Variants in CCL28 observed in about 807,000 individuals in gnomAD.
The protein encoded by CCL28 is C-C motif chemokine 28.
Under a neutral mutation model 7.1 loss-of-function variants are expected in CCL28, and 4 were observed. The observed-to-expected ratio is 0.56, with a 90% confidence interval of 0.28 to 1.29. CCL28 has a LOEUF of 1.29. CCL28 is among the 50% of genes most tolerant of loss of function. The pLI is 0.11. For missense variants in CCL28, 151 were observed against 163.4 expected, an observed-to-expected ratio of 0.92 and a Z score of 0.41; for synonymous variants, 55 against 57.8, an observed-to-expected ratio of 0.95 and a Z score of 0.22.
At chr5:43,367,065 T>C in the CCL28 span, among the ~76,000 whole-genome samples, 1 of 152,198 alleles carries the variant, frequency 6.6e-6, no homozygotes, top group Non-Finnish European at 1.5e-5. Flanking sequence ...GCCTCAGTAA[T>C]GGTGGACACC....
intron 1 of CCL28, among the ~76,000 whole-genome samples, chr5:43,401,395 T>G (rs1316432032): frequency 6.6e-6 from 1 of 152,202 alleles, no homozygotes; most frequent in Admixed American, 6.5e-5. Context: ...GGTCAGGGGA[T>G]AGTCTTGAAG....
intron 1 of CCL28, among the ~76,000 whole-genome samples, chr5:43,389,863 A>G (rs1740499966): frequency 6.6e-6 from 1 of 152,216 alleles, no homozygotes; most frequent in Admixed American, 6.5e-5. Context: ...ACAACTTTGG[A>G]GAGAACATGG....
chr5:43,395,108 C>T (rs1318595404), intron 1 of CCL28, among the ~76,000 whole-genome samples: 1 of 150,568 alleles, frequency 6.6e-6, no homozygotes, highest in Non-Finnish European at 1.5e-5. Flanking sequence ...TTCTGTTCCT[C>T]CAATTTTTGG....
Position 43,388,496 on chromosome 5 carries a change from AAAATGTTAAATTTT to A in CCL28, c.65-34_65-21del. 6.2e-7 allele frequency: 1 copy of A among 1,611,570 alleles called. No individual in the cohort carries two copies. Among genetic ancestry groups the A allele is most frequent in the African/African-American group, 1.3e-5 (1 of 74,878 alleles). On this transcript the variant is annotated intron_variant, in intron 1 of 2. Coordinates refer to ENST00000361115, the MANE Select transcript of CCL28 (RefSeq NM_148672.3). ...GTATGGCTAAAAGAAGAAAAGAAAG[AAAATGTTAAATTTT>A]ACGGTTTATAGAACACTGGCATGGT... is the stretch of plus-strand genomic sequence containing the variant.
chr5:43,405,330 G>T (rs1381556133), intron 1 of CCL28, among the ~76,000 whole-genome samples: 1 of 152,150 alleles, frequency 6.6e-6, no homozygotes. Flanking sequence ...CTAGAACTCA[G>T]GATTAAGAAA....
intron 1 of CCL28, among the ~76,000 whole-genome samples, chr5:43,400,313 G>T (rs1372761836): frequency 6.6e-6 from 1 of 152,082 alleles, no homozygotes; most frequent in Non-Finnish European, 1.5e-5. Flanking sequence ...AGAACTGTTG[G>T]CACTACACAT....
chr5:43,383,784 T>C (rs1330654186), intron 2 of CCL28, among the ~76,000 whole-genome samples: 1 of 152,088 alleles, frequency 6.6e-6, no homozygotes, highest in African/African-American at 2.4e-5. Flanking sequence ...ACTGAGCAGA[T>C]AAAGATTTTA....
chr5:43,370,679 A>G, the CCL28 span, among the ~76,000 whole-genome samples: 1 of 151,676 alleles, frequency 6.6e-6, no homozygotes, highest in Non-Finnish European at 1.5e-5. Context: ...TTCACAGAAT[A>G]TGAATCCCAT....
intron 2 of CCL28, among the ~76,000 whole-genome samples, chr5:43,384,906 A>T (rs2111727077): frequency 6.6e-6 from 1 of 151,642 alleles, no homozygotes; most frequent in South Asian, 2.1e-4. Flanking sequence ...CAACATAAAC[A>T]ACTTTTTTTT....
the CCL28 span, among the ~76,000 whole-genome samples, chr5:43,358,925 C>A: frequency 1.3e-5 from 2 of 152,202 alleles, no homozygotes; most frequent in African/African-American, 4.8e-5. Context: ...TCCTCACTCA[C>A]TCCTGGGCAA....
At chr5:43,396,190 C>G (rs191905995) in intron 1 of CCL28, among the ~76,000 whole-genome samples, 5 of 152,196 alleles carry the variant, frequency 3.3e-5, no homozygotes, top group African/African-American at 1.2e-4. Context: ...CTTTTGAGAC[C>G]AAATCGGGTA....
At chr5:43,361,066 G>C in the CCL28 span, among the ~76,000 whole-genome samples, 1 of 152,178 alleles carries the variant, frequency 6.6e-6, no homozygotes, top group African/African-American at 2.4e-5. Context: ...GTAAGAACAT[G>C]CAGTGTTTGG....
At chr5:43,398,205 A>G (rs1740891878) in intron 1 of CCL28, among the ~76,000 whole-genome samples, 1 of 132,854 alleles carries the variant, frequency 7.5e-6, no homozygotes, top group Admixed American at 8.1e-5. Context: ...ACAATTAGCA[A>G]TTAGCAGACT....
At chr5:43,409,090 C>T (rs1017481323) in intron 1 of CCL28, among the ~76,000 whole-genome samples, 1 of 152,040 alleles carries the variant, frequency 6.6e-6, no homozygotes, top group Admixed American at 6.5e-5. Context: ...CCAGTCTGGG[C>T]AACATAGTGA....
intron 1 of CCL28, among the ~76,000 whole-genome samples, chr5:43,399,601 CT>C (rs1740948858): frequency 6.6e-6 from 1 of 152,086 alleles, no homozygotes; most frequent in South Asian, 2.1e-4. Flanking sequence ...TGTTTTAAGG[CT>C]TTTAATGTCC....
At chr5:43,370,038 C>T in the CCL28 span, among the ~76,000 whole-genome samples, 1 of 152,324 alleles carries the variant, frequency 6.6e-6, no homozygotes, top group South Asian at 2.1e-4. Flanking sequence ...ACTTTCCTGT[C>T]ATCCCCACAA....
chr5:43,391,745 T>C (rs1268048757), intron 1 of CCL28, among the ~76,000 whole-genome samples: 1 of 152,234 alleles, frequency 6.6e-6, no homozygotes, highest in African/African-American at 2.4e-5. Flanking sequence ...CAGGCACTAG[T>C]GTAACTGCCA....
intron 1 of CCL28, among the ~76,000 whole-genome samples, chr5:43,396,701 G>A (rs1057170783): frequency 1.3e-5 from 2 of 151,950 alleles, no homozygotes; most frequent in African/African-American, 4.8e-5. Context: ...CGAAAAAAAC[G>A]TGTGTTCAAC....
chr5:43,371,649 G>A (rs1334671530), downstream of CCL28, among the ~76,000 whole-genome samples: 1 of 152,192 alleles, frequency 6.6e-6, no homozygotes, highest in East Asian at 1.9e-4. Context: ...GATGCCTGCT[G>A]CCCCTGCAGA....
Sources: allele counts gnomAD v4.1 joint callset (sites outside exome capture counted in the v4.1 genomes callset), GRCh38; gene constraint gnomAD v4.1.1; transcripts MANE v1.5; gene names NCBI Gene and HGNC (gene_info 2026-07-23, HGNC 2026-07-21).